ARL9: variants seen among roughly 807,000 people sequenced by gnomAD.
ARL9 encodes ADP-ribosylation factor-like protein 9.
A neutral mutation model predicts 27.0 loss-of-function variants in ARL9; 14 were observed. The observed-to-expected ratio is 0.52, with a 90% CI of 0.34 to 0.81. ARL9 has a LOEUF of 0.81. Among genes scored for constraint, ARL9 ranks in the 30% least tolerant of loss-of-function variants. ARL9 has a pLI of 0.01. For synonymous variants in ARL9, 106 were observed against 108.7 expected (o/e 0.98, Z 0.15); for missense variants, 294 against 290.0 (o/e 1.01, Z -0.10).
upstream of ARL9, chr4:56,505,563 T>C (rs999375754): frequency 2.1e-5 from 12 of 580,608 alleles, no homozygotes; most frequent in Middle Eastern, 2.7e-4. Flanking sequence ...CGCCGAACTG[T>C]CCCACGTCCT....
chr4:56,518,425 G>T (rs866564804), intron 2 of ARL9, among the ~76,000 whole-genome samples: 1 of 152,156 alleles, frequency 6.6e-6, no homozygotes, highest in Non-Finnish European at 1.5e-5. Flanking sequence ...ATCCACTGTA[G>T]TATTTAGCAT....
Position 56,511,230 on chromosome 4 carries a change from A to C in ARL9, c.325A>C (p.Lys109Gln), listed in dbSNP as rs759684727. 4 of 1,612,566 alleles carry C rather than the reference A, an allele frequency of 2.5e-6. No homozygotes were observed. The Admixed American group carries it at 5.0e-5, about 20-fold the overall frequency. The change falls in exon 2 of 4, where the codon AAA becomes CAA. Residue 109 changes from lysine (K) to glutamine (Q), a missense_variant. Transcript: ENST00000640821. ...AGTGCTGGGCCTGGATGGAGCAGGAAAAACCAGTGTCCTGCACTCTCTAGC... is the reference window on the plus strand; with the variant it reads ...AGTGCTGGGCCTGGATGGAGCAGGACAAACCAGTGTCCTGCACTCTCTAGC... ...ILVLGLDGAG[K>Q]TSVLHSLASN...
intron 1 of ARL9, among the ~76,000 whole-genome samples, chr4:56,507,062 C>T (rs561260152): frequency 1.1e-4 from 16 of 152,246 alleles, no homozygotes; most frequent in African/African-American, 2.2e-4. Flanking sequence ...TCCCAAAGCG[C>T]TGGGATTACA....
chr4:56,510,895 C>T (rs1721618844), intron 1 of ARL9, among the ~76,000 whole-genome samples: 1 of 151,926 alleles, frequency 6.6e-6, no homozygotes, highest in Admixed American at 6.6e-5. Flanking sequence ...CCTCAGCCTC[C>T]CAAGTAGCTG....
chr4:56,511,062 C>T (rs748081568), intron 1 of ARL9, 123 bp from the exon 2 acceptor site: 87 of 974,502 alleles, frequency 8.9e-5, no homozygotes, highest in Non-Finnish European at 9.0e-5. Context: ...CGTGAGCCAC[C>T]GCACCTGGCC....
Position 56,518,706 on chromosome 4 carries a change from C to T in ARL9, c.471C>T (p.Tyr157=), listed in dbSNP as rs774737910. 7 of 1,613,578 alleles carry T rather than the reference C, an allele frequency of 4.3e-6. 1 individual carries two copies. In the Middle Eastern group the frequency reaches 5.0e-4, roughly 114 times the overall value. Residue 157 remains tyrosine (Y), a synonymous_variant, in exon 3 of 4, where the codon TAC becomes TAT. Coordinates refer to ENST00000640821, the MANE Select transcript of ARL9 (RefSeq NM_001363794.2). ...EIGGSKPFRS[Y]WEMYLSKGLL... The stretch of plus-strand genomic sequence containing the variant: ...GTGGCAGTAAACCTTTTCGGTCCTA[C>T]TGGGAAATGTACCTATCCAAGGGAT...
chr4:56,512,773 C>T (rs1721672267), intron 2 of ARL9, among the ~76,000 whole-genome samples: 1 of 151,992 alleles, frequency 6.6e-6, no homozygotes, highest in Admixed American at 6.6e-5. Context: ...AACTCCTGAC[C>T]TCAGGTGATC....
At chr4:56,515,509 A>C (rs1721744586) in intron 2 of ARL9, among the ~76,000 whole-genome samples, 1 of 152,172 alleles carries the variant, frequency 6.6e-6, no homozygotes, top group Non-Finnish European at 1.5e-5. Flanking sequence ...AGGAGGGTCT[A>C]GTCAGTTTGA....
chr4:56,512,464 C>T (rs1164883626), intron 2 of ARL9, among the ~76,000 whole-genome samples: 1 of 152,048 alleles, frequency 6.6e-6, no homozygotes, highest in East Asian at 1.9e-4. Flanking sequence ...ATACTACTAC[C>T]CCTGCTCTTC....
intron 3 of ARL9, among the ~76,000 whole-genome samples, chr4:56,522,182 A>G (rs1721940255): frequency 6.6e-6 from 1 of 152,108 alleles, no homozygotes; most frequent in African/African-American, 2.4e-5. Context: ...GCACTTTGGA[A>G]GGCCAAGGCG....
At position 56,524,220 on chromosome 4, in the gene ARL9, T is replaced by C. The variant is rs1722015022; in HGVS notation, c.*344T>C. 2 of 178,986 alleles carry C rather than the reference T, an allele frequency of 1.1e-5. No individual in the cohort carries two copies. The highest frequency in any genetic ancestry group is 1.1e-4 in the Admixed American group (2 of 17,418). The allele number at this position is 178,986 out of a possible 1,614,324, so 11.1% of individuals were successfully genotyped here. On this transcript the variant is annotated 3_prime_UTR_variant, in exon 4 of 4. Transcript: ENST00000640821. ...ATGATTTAAAATACACGAGTAGAAG[T>C]GTGTAGGTTATATGTAAATATGCCA...
At chr4:56,507,076 G>A (rs1467067807) in intron 1 of ARL9, among the ~76,000 whole-genome samples, 1 of 151,520 alleles carries the variant, frequency 6.6e-6, no homozygotes, top group Non-Finnish European at 1.5e-5. Flanking sequence ...GATTACAGGC[G>A]TGAGCCACCA....
chr4:56,519,545 G>A lies in ARL9; in HGVS notation c.618+692G>A, dbSNP rs185273964. On this transcript the variant is annotated intron_variant, in intron 3 of 3. Coordinates refer to ENST00000640821, the MANE Select transcript of ARL9 (RefSeq NM_001363794.2). Reference sequence around the variant, plus strand: ...GAATGGCGTGAACCTGGGAGGCGGAGATTGCAGCGAACCAAGATCGCGCCA... The same window carrying A: ...GAATGGCGTGAACCTGGGAGGCGGAAATTGCAGCGAACCAAGATCGCGCCA... 2.8e-3 allele frequency among the ~76,000 whole-genome samples: 430 copies of A among 152,116 alleles called. 1 individual carries two copies. The highest frequency in any genetic ancestry group is 0.01 in the Middle Eastern group (3 of 294).
chr4:56,513,983 A>G (rs1436394548), intron 2 of ARL9, among the ~76,000 whole-genome samples: 1 of 152,204 alleles, frequency 6.6e-6, no homozygotes, highest in Non-Finnish European at 1.5e-5. Context: ...CAACCTGGGC[A>G]ATATGGCAAA....
rs1317687266 is a variant in ARL9, at chr4:56,511,283, A to T, written c.378A>T (p.Ala126=). 1 of 1,613,854 alleles carries T rather than the reference A, an allele frequency of 6.2e-7. No homozygotes were observed. Among genetic ancestry groups the T allele is most frequent in the African/African-American group, 1.3e-5 (1 of 75,054 alleles). ...CAAACAGAGTCCAGCACAGTGTGGC[A>T]CCCACCCAAGGTTTCCATGCAGTTT... The part of the protein sequence containing the change: ...LASNRVQHSV[A]PTQGFHAVCI... Residue 126 remains alanine, a synonymous_variant, in exon 2 of 4, where the codon GCA becomes GCT. Coordinates refer to ENST00000640821, the MANE Select transcript of ARL9 (RefSeq NM_001363794.2).
At chr4:56,521,673 G>A (rs1721922592) in intron 3 of ARL9, among the ~76,000 whole-genome samples, 1 of 152,072 alleles carries the variant, frequency 6.6e-6, no homozygotes, top group Non-Finnish European at 1.5e-5. Context: ...CAATCTGATG[G>A]GTGAACTTGT....
intron 3 of ARL9, among the ~76,000 whole-genome samples, chr4:56,521,072 G>A (rs1263691806): frequency 2.6e-5 from 4 of 152,072 alleles, no homozygotes; most frequent in East Asian, 1.9e-4. Flanking sequence ...TTAGCCAGGC[G>A]TGGTGGTGCA....
intron 2 of ARL9, among the ~76,000 whole-genome samples, chr4:56,515,626 A>G (rs1721747312): frequency 6.6e-6 from 1 of 152,212 alleles, no homozygotes; most frequent in African/African-American, 2.4e-5. Flanking sequence ...CCTTCAAATT[A>G]TTAGAAATTA....
intron 1 of ARL9, chr4:56,506,789 TG>T (rs66807175): frequency 0.23 from 34,749 of 153,008 alleles, 4,933 homozygotes; most frequent in Admixed American, 0.33. Context: ...AACACAGTTG[TG>T]TGTGTGTGTG....
Sources: gnomAD v4.1 joint callset for allele counts (sites outside exome capture counted in the v4.1 genomes callset) on GRCh38, gnomAD v4.1.1 for gene constraint, MANE v1.5 for transcripts, NCBI Gene and HGNC (gene_info 2026-07-23, HGNC 2026-07-21) for gene names.